Variants in EIF4E3 observed in about 807,000 individuals in gnomAD.
EIF4E3 encodes eukaryotic translation initiation factor 4E family member 3.
Under a neutral mutation model 31.7 loss-of-function variants are expected in EIF4E3, and 26 were observed. That is an observed-to-expected ratio of 0.82 (90% CI 0.60 to 1.14). The LOEUF (loss-of-function observed/expected upper bound fraction) is 1.14, where lower values mean the gene tolerates loss of function less well. Among genes scored for constraint, EIF4E3 ranks in the 50% most tolerant of loss-of-function variants. EIF4E3 has a pLI of 0.00. For missense variants in EIF4E3, 304 were observed against 270.9 expected, an observed-to-expected ratio of 1.12 and a Z score of -0.86; for synonymous variants, 128 against 107.7, an observed-to-expected ratio of 1.19 and a Z score of -1.17.
At chr3:71,666,076 GAC>G in the EIF4E3 span, among the ~76,000 whole-genome samples, 2 of 152,080 alleles carry the variant, frequency 1.3e-5, no homozygotes, top group Non-Finnish European at 2.9e-5. Flanking sequence ...GCTAGCAGAA[GAC>G]AAGAAATAAC....
At chr3:71,726,531 A>C (rs114044021), upstream of EIF4E3, among the ~76,000 whole-genome samples, 413 of 152,320 alleles carry the variant, frequency 2.7e-3, 2 homozygotes, top group African/African-American at 9.5e-3. Context: ...TCTGGCTTTG[A>C]ACAGTGAAGG....
At chr3:71,750,662 G>C (rs1202721939) in intron 1 of EIF4E3, among the ~76,000 whole-genome samples, 1 of 152,110 alleles carries the variant, frequency 6.6e-6, no homozygotes, top group African/African-American at 2.4e-5. Flanking sequence ...GCTCACGCCT[G>C]TAATCCCAGC....
In EIF4E3 at chr3:71,684,664, A is replaced by T; in HGVS notation, c.*18T>A. On this transcript the variant is annotated 3_prime_UTR_variant, in exon 7 of 7. Transcript: ENST00000425534. ...AAAACCAATCAGCAAAGGACAAAGA[A>T]TTCTTTACAGAGTGCAATTAGTGTT... The T allele has an allele frequency of 6.2e-7, 1 of 1,613,954 alleles. No individual in the cohort carries two copies. Among genetic ancestry groups the T allele is most frequent in the South Asian group, 1.1e-5 (1 of 91,056 alleles).
At chr3:71,734,387 C>T (rs1212079610) in intron 1 of EIF4E3, among the ~76,000 whole-genome samples, 3 of 152,146 alleles carry the variant, frequency 2.0e-5, no homozygotes, top group Non-Finnish European at 2.9e-5. Context: ...CTCAGAAATA[C>T]ACTGTGAATT....
intron 1 of EIF4E3, among the ~76,000 whole-genome samples, chr3:71,734,068 T>G (rs181898344): frequency 1.4e-4 from 22 of 152,328 alleles, no homozygotes; most frequent in Admixed American, 1.1e-3. Context: ...AATTTTTCAC[T>G]CTTTTCCTGT....
intron 1 of EIF4E3, among the ~76,000 whole-genome samples, chr3:71,744,223 G>C (rs772208366): frequency 4.6e-5 from 7 of 151,992 alleles, no homozygotes; most frequent in Non-Finnish European, 1.0e-4. Flanking sequence ...CTTTTTTCCA[G>C]GATGCATAAA....
At chr3:71,736,078 A>G (rs2108143012) in intron 1 of EIF4E3, among the ~76,000 whole-genome samples, 1 of 152,322 alleles carries the variant, frequency 6.6e-6, no homozygotes, top group South Asian at 2.1e-4. Context: ...ATGTCACTGG[A>G]GACTGCAAAT....
intron 1 of EIF4E3, among the ~76,000 whole-genome samples, chr3:71,714,301 G>GGAAC (rs1553664737): frequency 2.1e-5 from 2 of 93,978 alleles, no homozygotes; most frequent in East Asian, 3.6e-4. Context: ...AAGGAAGGAA[G>GGAAC]GAACGAAAGA....
chr3:71,725,152 C>G lies in EIF4E3; in HGVS notation c.176+40G>C. 9.6e-7 allele frequency: 1 copy of G among 1,046,130 alleles called. No individual in the cohort carries two copies. The highest frequency in any genetic ancestry group is 1.1e-6 in the Non-Finnish European group (1 of 871,718). The allele number at this position is 1,046,130 out of a possible 1,614,324, so 64.8% of individuals were successfully genotyped here. A position where few individuals can be genotyped will look rare whatever the true frequency, so the allele number is the denominator to read the frequency against. On this transcript the variant is annotated intron_variant, in intron 1 of 6. Coordinates refer to ENST00000425534, the MANE Select transcript of EIF4E3 (RefSeq NM_001134651.2). The surrounding 1 kb of genome is among the most constrained non-coding windows in gnomAD (Gnocchi z 6.1). The stretch of plus-strand genomic sequence containing the variant: ...ACAAAGCGGCGGTGGCGGCAGGACC[C>G]GGGTCGGGGCCGTGCGCGGCGGGCC...
At chr3:71,688,337 G>T (rs2049019740) in intron 6 of EIF4E3, among the ~76,000 whole-genome samples, 1 of 152,148 alleles carries the variant, frequency 6.6e-6, no homozygotes, top group Non-Finnish European at 1.5e-5. Flanking sequence ...TGATAAAACA[G>T]ATATCTTATT....
chr3:71,716,815 A>G (rs1279319129), intron 1 of EIF4E3, among the ~76,000 whole-genome samples: 6 of 152,196 alleles, frequency 3.9e-5, no homozygotes, highest in East Asian at 1.9e-4. Flanking sequence ...CAGCTCCTGC[A>G]TGACCAATAT....
At position 71,725,147 on chromosome 3, in the gene EIF4E3, G is replaced by C. The variant is rs978946640; in HGVS notation, c.176+45C>G. On this transcript the variant is annotated intron_variant, in intron 1 of 6. Transcript: ENST00000425534. The surrounding 1 kb of genome is among the most constrained non-coding windows in gnomAD (Gnocchi z 6.1). ...CCGAGACAAAGCGGCGGTGGCGGCA[G>C]GACCCGGGTCGGGGCCGTGCGCGGC... 3.2e-5 allele frequency: 33 copies of C among 1,040,770 alleles called. No homozygotes were observed. Among genetic ancestry groups the C allele is most frequent in the Admixed American group, 5.8e-5 (1 of 17,180 alleles). The allele number at this position is 1,040,770 out of a possible 1,614,324, so 64.5% of individuals were successfully genotyped here.
At chr3:71,690,281 G>A in intron 5 of EIF4E3, 116 bp from the exon 6 acceptor site, 1 of 1,166,932 alleles carries the variant, frequency 8.6e-7, no homozygotes, top group South Asian at 1.9e-5. Context: ...AAAAGAAGGT[G>A]GCACAAGATA....
chr3:71,685,639 A>C (rs1044487080), intron 6 of EIF4E3, among the ~76,000 whole-genome samples: 4 of 152,238 alleles, frequency 2.6e-5, no homozygotes, highest in African/African-American at 9.6e-5. Context: ...GTGGGATTAT[A>C]GGCGTGAGCC....
chr3:71,722,573 C>T lies in EIF4E3; in HGVS notation c.176+2619G>A, dbSNP rs561768198. 4.6e-5 allele frequency among the ~76,000 whole-genome samples: 7 copies of T among 152,356 alleles called. No homozygotes were observed. In the South Asian group the frequency reaches 1.4e-3, roughly 32 times the overall value. ...AAACTCTTCAGCCTGTACCCCCAAT[C>T]TAAAATTACCTTCCTCAAATGCCGA... On this transcript the variant is annotated intron_variant, in intron 1 of 6. Transcript: ENST00000425534.
the EIF4E3 span, among the ~76,000 whole-genome samples, chr3:71,660,543 C>G: frequency 6.6e-6 from 1 of 152,128 alleles, no homozygotes; most frequent in African/African-American, 2.4e-5. Flanking sequence ...ATGTTAGCAG[C>G]CGAGGGATCC....
intron 1 of EIF4E3, among the ~76,000 whole-genome samples, chr3:71,712,635 T>TGGGGG (rs760932981): frequency 3.4e-5 from 2 of 59,362 alleles, no homozygotes; most frequent in African/African-American, 1.3e-4. Context: ...TTGCGGGGGG[T>TGGGGG]GGGCGGGGGA....
intron 1 of EIF4E3, among the ~76,000 whole-genome samples, chr3:71,741,417 G>A (rs1038829976): frequency 6.6e-6 from 1 of 152,104 alleles, no homozygotes; most frequent in Non-Finnish European, 1.5e-5. Context: ...ATATTATTTG[G>A]AATGAAGAGG....
upstream of EIF4E3, among the ~76,000 whole-genome samples, chr3:71,727,906 C>T (rs1294782240): frequency 6.6e-6 from 1 of 152,160 alleles, no homozygotes; most frequent in Non-Finnish European, 1.5e-5. Flanking sequence ...TTGTGTACCA[C>T]ATGAAAAAAT....
Sources: gnomAD v4.1 joint callset for allele counts (sites outside exome capture counted in the v4.1 genomes callset) on GRCh38, gnomAD v4.1.1 for gene constraint, Gnocchi (gnomAD v3.1) non-coding constraint, MANE v1.5 for transcripts, NCBI Gene and HGNC (gene_info 2026-07-23, HGNC 2026-07-21) for gene names.